Variants in RAPGEF6 observed in about 807,000 individuals in gnomAD.
RAPGEF6 encodes the protein Rap guanine nucleotide exchange factor 6, also known as PDZ domain containing guanine nucleotide exchange factor (GEF) 2.
Under a neutral mutation model 171.4 loss-of-function variants are expected in RAPGEF6, and 56 were observed. That is an observed-to-expected ratio of 0.33 (90% CI 0.26 to 0.41). The LOEUF (loss-of-function observed/expected upper bound fraction) is 0.41, where lower values mean the gene tolerates loss of function less well. Ranked by LOEUF, RAPGEF6 falls within the 10% of genes least tolerant of loss-of-function variation. The probability of loss-of-function intolerance (pLI) is 1.00; values close to 1 mark genes in which losing one functional copy is unlikely to be tolerated. For missense variants in RAPGEF6, 1,674 were observed against 1,921.4 expected (o/e 0.87, Z 2.41); for synonymous variants, 692 against 650.1 (o/e 1.06, Z -0.98).
At chr5:131,528,832 C>CT (rs1294837479) in intron 6 of RAPGEF6, among the ~76,000 whole-genome samples, 1 of 152,060 alleles carries the variant, frequency 6.6e-6, no homozygotes, top group South Asian at 2.1e-4. Context: ...ATGGTGAGGA[C>CT]TTGGACTTTG....
chr5:131,453,846 C>T (rs1753286352), intron 20 of RAPGEF6, among the ~76,000 whole-genome samples: 2 of 152,184 alleles, frequency 1.3e-5, no homozygotes, highest in Non-Finnish European at 2.9e-5. Flanking sequence ...ATGACGAATA[C>T]TCTCAAGTTA....
intron 14 of RAPGEF6, 66 bp downstream of exon 14, chr5:131,492,516 G>T: frequency 1.3e-6 from 2 of 1,493,320 alleles, no homozygotes; most frequent in South Asian, 1.1e-5. Context: ...TGGAAGATGA[G>T]AACAAAAGCA....
chr5:131,523,849 T>C (rs1758679917), intron 6 of RAPGEF6, among the ~76,000 whole-genome samples: 1 of 151,846 alleles, frequency 6.6e-6, no homozygotes, highest in Non-Finnish European at 1.5e-5. Context: ...CCCATACCTA[T>C]GCACACCAGG....
chr5:131,472,652 A>C lies in RAPGEF6; in HGVS notation c.2174T>G (p.Leu725Arg). The change falls in exon 17 of 28, where the codon CTC becomes CGC. Residue 725 changes from leucine to arginine, a missense_variant. By Grantham distance (102) the Leu-to-Arg change is moderately radical (BLOSUM62 -2). This residue lies in a region of RAPGEF6 where 1,116 missense variants were observed against 1,321.5 expected (regional missense o/e 0.84). Transcript: ENST00000509018. ...SLAIMPIPGT[L>R]SSSSPDLLQP... The stretch of plus-strand genomic sequence containing the variant: ...CAGGAGATCAGGGCTGCTGGATGAG[A>C]GTGTTCCAGGGATGGGCATTATAGC... 1.9e-6 allele frequency: 3 copies of C among 1,613,924 alleles called. No individual in the cohort carries two copies. Among genetic ancestry groups the C allele is most frequent in the Non-Finnish European group, 1.7e-6 (2 of 1,179,798 alleles).
intron 4 of RAPGEF6, among the ~76,000 whole-genome samples, chr5:131,579,296 G>C (rs983985827): frequency 6.6e-6 from 1 of 152,214 alleles, no homozygotes. Context: ...AGAGTGAGCA[G>C]CAGCAAGATT....
rs1467397740 is a variant in RAPGEF6, at chr5:131,610,137, TACAGCAGGAAGA to T, written c.70-5456_70-5445del. Reference sequence around the variant, plus strand: ...ACAGACCTCTATATGGAGCAGTGTATACAGCAGGAAGAACAGATGGGCCTAGAAACAAATGAG... The same window carrying T: ...ACAGACCTCTATATGGAGCAGTGTATACAGATGGGCCTAGAAACAAATGAG... On this transcript the variant is annotated intron_variant, in intron 1 of 27. Coordinates refer to ENST00000509018, the MANE Select transcript of RAPGEF6 (RefSeq NM_016340.6). 2.0e-5 allele frequency among the ~76,000 whole-genome samples: 3 copies of T among 152,338 alleles called. No individual in the cohort carries two copies. The East Asian group carries it at 5.8e-4, about 29-fold the overall frequency.
In RAPGEF6 at chr5:131,495,577, T is replaced by C; in HGVS notation, c.1503A>G (p.Glu501=). Residue 501 remains glutamate (E), a synonymous_variant, in exon 13 of 28, where the codon GAA becomes GAG. Coordinates refer to ENST00000509018, the MANE Select transcript of RAPGEF6 (RefSeq NM_016340.6). ...GDPAMTRFLE[E]FEKNLEDTKM... ...CTGTATCTTCCAGATTTTTTTCAAA[T>C]TCCTCTAGAAATCGAGTCATAGCAG... The C allele has an allele frequency of 1.2e-6, 2 of 1,613,830 alleles. No homozygotes were observed. Among genetic ancestry groups the C allele is most frequent in the South Asian group, 2.2e-5 (2 of 91,056 alleles).
rs150826816 is a variant in RAPGEF6, at chr5:131,430,915, T to A, written c.4409A>T (p.Asp1470Val). ...AGTTTTATAAACTGGGTCAGTGGCA[T>A]CCTTGGGGTCCAAGCCTTCAGATGA... is the stretch of plus-strand genomic sequence containing the variant. ...AESSEGLDPK[D>V]ATDPVYKTVT... Residue 1470 changes from aspartate to valine, a missense_variant, in exon 26 of 28, where the codon GAT (aspartate) becomes GTT (valine). By Grantham distance (152) the Asp-to-Val change is radical (BLOSUM62 -3). Coordinates refer to ENST00000509018, the MANE Select transcript of RAPGEF6 (RefSeq NM_016340.6). 49 of 1,613,066 alleles carry A rather than the reference T, an allele frequency of 3.0e-5. No homozygotes were observed. Among genetic ancestry groups the A allele is most frequent in the Middle Eastern group, 3.3e-4 (2 of 6,074 alleles).
rs762358842 is a variant in RAPGEF6, at chr5:131,431,119, T to G, written c.4205A>C (p.Glu1402Ala). The G allele has an allele frequency of 1.2e-6, 2 of 1,614,172 alleles. No individual in the cohort carries two copies. Among genetic ancestry groups the G allele is most frequent in the Non-Finnish European group, 1.7e-6 (2 of 1,180,024 alleles). Residue 1402 changes from glutamate to alanine, a missense_variant, in exon 26 of 28, where the codon GAA (glutamate) becomes GCA (alanine). By Grantham distance (107) the Glu-to-Ala change is moderately radical. This residue lies in a region of RAPGEF6 where 552 missense variants were observed against 574.2 expected (regional missense o/e 0.96). Coordinates refer to ENST00000509018, the MANE Select transcript of RAPGEF6 (RefSeq NM_016340.6). ...RHTHLDDPIA[E>A]VEPTDSEPYS... ...GGGCTCAGAGTCAGTGGGTTCAACT[T>G]CAGCAATGGGGTCATCCAAATGGGT...
chr5:131,472,159 C>T, intron 17 of RAPGEF6: 1 of 228,918 alleles, frequency 4.4e-6, no homozygotes, highest in Non-Finnish European at 8.9e-6. Flanking sequence ...GCAAGCTCTG[C>T]CTCCCGGGTT....
At chr5:131,478,009 C>T (rs1427202118) in intron 16 of RAPGEF6, among the ~76,000 whole-genome samples, 2 of 152,088 alleles carry the variant, frequency 1.3e-5, no homozygotes, top group Non-Finnish European at 2.9e-5. Flanking sequence ...GAGACCATGC[C>T]TTTTCTTACA....
intron 6 of RAPGEF6, among the ~76,000 whole-genome samples, chr5:131,523,966 C>T (rs1361911953): frequency 4.6e-5 from 7 of 152,114 alleles, no homozygotes; most frequent in Admixed American, 1.3e-4. Flanking sequence ...ATTAAACTGA[C>T]AGCTGGCTTC....
intron 1 of RAPGEF6, among the ~76,000 whole-genome samples, chr5:131,613,999 C>T (rs749178101): frequency 8.6e-5 from 13 of 151,970 alleles, no homozygotes; most frequent in Non-Finnish European, 1.6e-4. Context: ...AAGAACTACC[C>T]GGCTGGACAC....
intron 7 of RAPGEF6, among the ~76,000 whole-genome samples, chr5:131,514,361 G>T (rs899308828): frequency 3.3e-5 from 5 of 152,152 alleles, no homozygotes; most frequent in Admixed American, 3.3e-4. Flanking sequence ...GTCACTGCAT[G>T]ATACTTCTGA....
chr5:131,608,105 T>C (rs952336643), intron 1 of RAPGEF6, among the ~76,000 whole-genome samples: 1 of 152,182 alleles, frequency 6.6e-6, no homozygotes. Flanking sequence ...ACTGGCATCA[T>C]GTAGGTAGAA....
At chr5:131,452,631 T>C (rs981193685) in intron 21 of RAPGEF6, among the ~76,000 whole-genome samples, 7 of 84,346 alleles carry the variant, frequency 8.3e-5, no homozygotes, top group Admixed American at 5.1e-4. Flanking sequence ...TGTTTGCTGA[T>C]TTTTTTTTTT....
intron 1 of RAPGEF6, among the ~76,000 whole-genome samples, chr5:131,612,481 C>A (rs1456320592): frequency 1.3e-5 from 2 of 151,908 alleles, no homozygotes; most frequent in African/African-American, 4.8e-5. Flanking sequence ...TTCAACTTAC[C>A]ATGGTTGTAT....
Position 131,431,020 on chromosome 5 carries a change from G to C in RAPGEF6, c.4304C>G (p.Ser1435Cys). Residue 1435 changes from serine to cysteine, a missense_variant, in exon 26 of 28, where the codon TCC becomes TGC. Ser to Cys is a moderately radical substitution (Grantham distance 112). Around this residue, in one of 3 missense-constraint regions of RAPGEF6, gnomAD observed 552 missense variants for 574.2 expected, o/e 0.96. Transcript: ENST00000509018. ...ATACGTGTCAGACAGAGAACTGGAG[G>C]AGGTCCAACTCTTTCTCTCTAGGCT... ...KGSLERKSWT[S>C]SSSLSDTYEP... 1 of 1,614,168 alleles carries C rather than the reference G, an allele frequency of 6.2e-7. No homozygotes were observed. The highest frequency in any genetic ancestry group is 8.5e-7 in the Non-Finnish European group (1 of 1,180,020).
At chr5:131,552,317 T>C (rs1760972327) in intron 5 of RAPGEF6, among the ~76,000 whole-genome samples, 1 of 151,924 alleles carries the variant, frequency 6.6e-6, no homozygotes, top group Non-Finnish European at 1.5e-5. Flanking sequence ...CCCCTGAGAA[T>C]TCAAAACCAC....
Sources: gnomAD v4.1 joint callset for allele counts (sites outside exome capture counted in the v4.1 genomes callset) on GRCh38, gnomAD v4.1.1 for gene constraint, gnomAD v4.1.1 regional missense constraint, MANE v1.5 for transcripts, NCBI Gene and HGNC (gene_info 2026-07-23, HGNC 2026-07-21) for gene names.